LRP5: variants seen among roughly 807,000 people sequenced by gnomAD.
LRP5 encodes low-density lipoprotein receptor-related protein 5.
LRP5 carries 62 observed loss-of-function variants against 154.1 expected under a neutral mutation model. The observed-to-expected ratio is 0.40, with a 90% CI of 0.33 to 0.50. LRP5 has a LOEUF of 0.50. Ranked by LOEUF, LRP5 falls within the 20% of genes least tolerant of loss-of-function variation. The pLI, the probability that LRP5 is intolerant of heterozygous loss-of-function variation, is 0.55. For synonymous variants in LRP5, 966 were observed against 1,011.5 expected (o/e 0.96, Z 0.85); for missense variants, 1,915 against 2,336.7 (o/e 0.82, Z 3.72).
intron 15 of LRP5, 110 bp downstream of exon 15, chr11:68,425,402 G>A: frequency 8.7e-7 from 1 of 1,154,418 alleles, no homozygotes; most frequent in Non-Finnish European, 1.2e-6. Flanking sequence ...GCCGCGCCAG[G>A]GGCTTTGTGT....
intron 16 of LRP5, among the ~76,000 whole-genome samples, chr11:68,428,358 A>C (rs114109514): frequency 0.012 from 1,856 of 152,168 alleles, 47 homozygotes; most frequent in African/African-American, 0.043. Flanking sequence ...AATGACCACA[A>C]ACTGGATGGC....
intron 17 of LRP5, among the ~76,000 whole-genome samples, chr11:68,433,063 C>G (rs1474934153): frequency 6.6e-6 from 1 of 152,224 alleles, no homozygotes; most frequent in Non-Finnish European, 1.5e-5. Flanking sequence ...CCGGCTCCTG[C>G]CTTGCTATGC....
intron 6 of LRP5, among the ~76,000 whole-genome samples, chr11:68,388,256 A>G (rs752376054): frequency 3.9e-5 from 6 of 152,078 alleles, no homozygotes; most frequent in Non-Finnish European, 8.8e-5. Flanking sequence ...TGCCAGCTAC[A>G]GTGAAGGGAA....
At chr11:68,443,586 T>TATA (rs1491131627) in intron 21 of LRP5, among the ~76,000 whole-genome samples, 12 of 13,716 alleles carry the variant, frequency 8.7e-4, no homozygotes, top group South Asian at 4.3e-3. Context: ...TATATATATA[T>TATA]TTTTTTTTTT....
upstream of LRP5, among the ~76,000 whole-genome samples, chr11:68,311,721 G>A (rs1237474155): frequency 2.0e-5 from 3 of 152,366 alleles, no homozygotes; most frequent in East Asian, 5.8e-4. Flanking sequence ...GAACCTGCAA[G>A]GTGGCCATTG....
At chr11:68,403,213 C>G (rs752426841) in intron 7 of LRP5, among the ~76,000 whole-genome samples, 3 of 152,212 alleles carry the variant, frequency 2.0e-5, no homozygotes, top group Non-Finnish European at 2.9e-5. Context: ...CCACTGCACT[C>G]CAGCCTGGGC....
chr11:68,359,682 A>C (rs759222283), intron 3 of LRP5, among the ~76,000 whole-genome samples: 1 of 151,606 alleles, frequency 6.6e-6, no homozygotes, highest in Non-Finnish European at 1.5e-5. Context: ...ATTTTTATTT[A>C]TATTTTTATT....
chr11:68,395,973 T>C (rs1336688623), intron 7 of LRP5, among the ~76,000 whole-genome samples: 1 of 152,126 alleles, frequency 6.6e-6, no homozygotes, highest in Non-Finnish European at 1.5e-5. Flanking sequence ...TGCGCCAGTG[T>C]TCCTGCTGTG....
At chr11:68,321,505 C>T (rs1205762531) in intron 1 of LRP5, among the ~76,000 whole-genome samples, 1 of 151,998 alleles carries the variant, frequency 6.6e-6, no homozygotes, top group South Asian at 2.1e-4. Flanking sequence ...GATGAGCTGG[C>T]GGTCTCAGGC....
intron 1 of LRP5, among the ~76,000 whole-genome samples, chr11:68,320,888 A>G (rs1343857035): frequency 1.3e-5 from 2 of 152,078 alleles, no homozygotes; most frequent in East Asian, 1.9e-4. Context: ...CTGGTGGTAC[A>G]TTATCATAAA....
At chr11:68,317,798 G>A (rs1181710711) in intron 1 of LRP5, among the ~76,000 whole-genome samples, 2 of 152,094 alleles carry the variant, frequency 1.3e-5, no homozygotes, top group South Asian at 4.2e-4. Flanking sequence ...GCTGCTGGGC[G>A]ACTGTGCCTC....
rs373865343 is a variant in LRP5 at position 68,364,141 on chromosome 11, G to C, written c.883+198G>C. The stretch of plus-strand genomic sequence containing the variant: ...AGGGGTACCTGCTGCAATGGAGGGA[G>C]GTGTGTGGCTGGCTGGGGGACACGG... On this transcript the variant is annotated intron_variant, in intron 4 of 22. Coordinates refer to ENST00000294304, the MANE Select transcript of LRP5 (RefSeq NM_002335.4). Among the ~76,000 whole-genome samples, 119 of 152,002 alleles carry C rather than the reference G, an allele frequency of 7.8e-4. 1 individual carries two copies. Among genetic ancestry groups the C allele is most frequent in the Middle Eastern group, 3.4e-3 (1 of 294 alleles).
the LRP5 span, among the ~76,000 whole-genome samples, chr11:68,306,455 G>T: frequency 6.6e-6 from 1 of 152,232 alleles, no homozygotes; most frequent in Non-Finnish European, 1.5e-5. Context: ...CTTTTCTAAG[G>T]ACCATTTGTC....
chr11:68,397,154 G>GC (rs1466667323), intron 7 of LRP5, among the ~76,000 whole-genome samples: 1 of 152,134 alleles, frequency 6.6e-6, no homozygotes, highest in Non-Finnish European at 1.5e-5. Flanking sequence ...TCAGGACCAA[G>GC]CCCTCACGTT....
At chr11:68,409,093 T>C (rs1362563990) in intron 9 of LRP5, among the ~76,000 whole-genome samples, 6 of 46,218 alleles carry the variant, frequency 1.3e-4, no homozygotes, top group Admixed American at 2.6e-4. Context: ...TATATATATA[T>C]ATACACACAC....
intron 16 of LRP5, among the ~76,000 whole-genome samples, chr11:68,428,795 A>G (rs1165990746): frequency 7.1e-6 from 1 of 141,796 alleles, no homozygotes; most frequent in Admixed American, 7.5e-5. Flanking sequence ...AAAGACGGGA[A>G]GAGGGCCAGG....
intron 5 of LRP5, among the ~76,000 whole-genome samples, chr11:68,384,248 A>G (rs2098641792): frequency 6.6e-6 from 1 of 152,228 alleles, no homozygotes; most frequent in South Asian, 2.1e-4. Context: ...GGCGAGAGCC[A>G]GAGCCTGGGC....
At chr11:68,344,092 A>G (rs1316030309) in intron 1 of LRP5, among the ~76,000 whole-genome samples, 1 of 151,942 alleles carries the variant, frequency 6.6e-6, no homozygotes, top group Non-Finnish European at 1.5e-5. Flanking sequence ...GCCTGGGTGC[A>G]TCGCCCGCAG....
chr11:68,428,943 A>AAAAAAAAAG lies in LRP5; in HGVS notation c.3638-628_3638-627insAAAAGAAAA, dbSNP rs1226823081. On this transcript the variant is annotated intron_variant, in intron 16 of 22. Coordinates refer to ENST00000294304, the MANE Select transcript of LRP5 (RefSeq NM_002335.4). ...AAAAGTGAAAAAAAAAAAAAAAAAAAAAAATTAGCCAGGCACAGTGGCAGG... is the reference window on the plus strand; with the variant it reads ...AAAAGTGAAAAAAAAAAAAAAAAAAAAAAAAAAAGAAAATTAGCCAGGCACAGTGGCAGG... Among the ~76,000 whole-genome samples the AAAAAAAAAG allele has an allele frequency of 6.3e-4, 2 of 3,174 alleles. 1 individual carries two copies. The highest frequency in any genetic ancestry group is 1.1e-3 in the Non-Finnish European group (2 of 1,840). The allele number at this position is 3,174 out of a possible 152,430, so 2.1% of individuals were successfully genotyped here. A position where few individuals can be genotyped will look rare whatever the true frequency, so the allele number is the denominator to read the frequency against.
Sources: gnomAD v4.1 joint callset for allele counts (sites outside exome capture counted in the v4.1 genomes callset) on GRCh38, gnomAD v4.1.1 for gene constraint, MANE v1.5 for transcripts, NCBI Gene and HGNC (gene_info 2026-07-23, HGNC 2026-07-21) for gene names.